Variants in ARFGAP3 observed in about 807,000 individuals in gnomAD.
ARFGAP3 encodes the protein ARF GTPase activating protein 3.
In ARFGAP3, 72 loss-of-function variants were observed where a neutral mutation model predicts 75.0. That is an observed-to-expected ratio of 0.96 (90% CI 0.79 to 1.17). The LOEUF (loss-of-function observed/expected upper bound fraction) is 1.17. Among genes scored for constraint, ARFGAP3 ranks in the 50% most tolerant of loss-of-function variants. The probability of loss-of-function intolerance (pLI) is 0.00; values close to 1 mark genes in which losing one functional copy is unlikely to be tolerated. For synonymous variants in ARFGAP3, 221 were observed against 217.9 expected, an observed-to-expected ratio of 1.01 and a Z score of -0.13; for missense variants, 620 against 626.6, an observed-to-expected ratio of 0.99 and a Z score of 0.11.
chr22:42,848,360 C>T (rs1927117822), intron 1 of ARFGAP3, among the ~76,000 whole-genome samples: 1 of 152,154 alleles, frequency 6.6e-6, no homozygotes, highest in Admixed American at 6.5e-5. Flanking sequence ...AGGCGCCCGC[C>T]ACCGCACCCG....
chr22:42,805,576 G>A (rs916313870), intron 14 of ARFGAP3, among the ~76,000 whole-genome samples: 2 of 152,190 alleles, frequency 1.3e-5, no homozygotes, highest in African/African-American at 2.4e-5. Flanking sequence ...AAAGTTTGGA[G>A]ATGGAACAAG....
At chr22:42,840,196 T>A (rs1926717029) in intron 3 of ARFGAP3, among the ~76,000 whole-genome samples, 1 of 151,784 alleles carries the variant, frequency 6.6e-6, no homozygotes, top group African/African-American at 2.4e-5. Flanking sequence ...CCTCCCAAAG[T>A]TCTAGGATTA....
chr22:42,799,559 T>G (rs1924764072), intron 14 of ARFGAP3, among the ~76,000 whole-genome samples: 1 of 152,124 alleles, frequency 6.6e-6, no homozygotes, highest in Non-Finnish European at 1.5e-5. Context: ...ACCTCCTCCC[T>G]CTTTTGGTAA....
At chr22:42,808,683 T>G in intron 13 of ARFGAP3, 84 bp downstream of exon 13, 1 of 1,217,582 alleles carries the variant, frequency 8.2e-7, no homozygotes, top group Non-Finnish European at 1.2e-6. Flanking sequence ...CCCAGCTCAC[T>G]CAGGATCTCC....
chr22:42,800,663 T>C (rs1043984884), intron 14 of ARFGAP3, among the ~76,000 whole-genome samples: 1 of 152,216 alleles, frequency 6.6e-6, no homozygotes, highest in African/African-American at 2.4e-5. Context: ...CCACCACAGA[T>C]GCAGGTCCTC....
Position 42,817,851 on chromosome 22 carries a change from T to C in ARFGAP3, c.819A>G (p.Ser273=), listed in dbSNP as rs1569146303. ...KVVSKEESIV[S]SLRLAYKDLE... ...GATCCTTATAGGCTAATCGTAATGA[T>C]GAAACACTGCCAGAAAAACCAAATA... The change falls in exon 10 of 16, where the codon TCA becomes TCG. Residue 273 remains serine (S), a synonymous_variant. Transcript: ENST00000263245. The C allele has an allele frequency of 6.2e-7, 1 of 1,602,990 alleles. No individual in the cohort carries two copies. The highest frequency in any genetic ancestry group is 8.5e-7 in the Non-Finnish European group (1 of 1,175,052).
At chr22:42,847,083 C>A (rs1228622522) in intron 2 of ARFGAP3, among the ~76,000 whole-genome samples, 1 of 152,132 alleles carries the variant, frequency 6.6e-6, no homozygotes, top group Non-Finnish European at 1.5e-5. Context: ...AACCCATTAA[C>A]CCATACCAAT....
intron 8 of ARFGAP3, 40 bp from the exon 9 acceptor site, chr22:42,822,449 G>C: frequency 1.3e-6 from 2 of 1,599,218 alleles, no homozygotes; most frequent in Non-Finnish European, 1.7e-6. Context: ...CGAGCTGTTT[G>C]AAAGCTTCTG....
intron 1 of ARFGAP3, among the ~76,000 whole-genome samples, chr22:42,851,692 C>T (rs1004401115): frequency 6.6e-6 from 1 of 152,194 alleles, no homozygotes; most frequent in Non-Finnish European, 1.5e-5. Context: ...GCAGGGACTG[C>T]GCTTTGATTT....
At chr22:42,853,446 C>A in intron 1 of ARFGAP3, 1 of 220,910 alleles carries the variant, frequency 4.5e-6, no homozygotes, top group Non-Finnish European at 9.7e-6. Context: ...ACAAGGGAAT[C>A]TGCTGGCCAT....
intron 9 of ARFGAP3, 52 bp downstream of exon 9, chr22:42,822,213 CTTGAG>C (rs1263263520): frequency 3.7e-6 from 5 of 1,361,512 alleles, no homozygotes; most frequent in Non-Finnish European, 4.1e-6. Flanking sequence ...AAAGCAAAAT[CTTGAG>C]TTAATAGTTT....
At chr22:42,799,816 G>A (rs1014933933) in intron 14 of ARFGAP3, among the ~76,000 whole-genome samples, 1 of 152,174 alleles carries the variant, frequency 6.6e-6, no homozygotes, top group Non-Finnish European at 1.5e-5. Flanking sequence ...CCAAGGAGGT[G>A]AGCCAAATAG....
Position 42,823,701 on chromosome 22 carries a change from C to T in ARFGAP3, c.627G>A (p.Glu209=). The T allele has an allele frequency of 6.4e-7, 1 of 1,564,380 alleles. No homozygotes were observed. The highest frequency in any genetic ancestry group is 2.3e-5 in the East Asian group (1 of 43,624). ...GLNVPTKATL[E]VSSIIKKKPN... Reference sequence around the variant, plus strand: ...GTTTCTTTTTTATGATAGAGGATACCTCTGCCAAAAAATAAAAATTAAAAA... The same window carrying T: ...GTTTCTTTTTTATGATAGAGGATACTTCTGCCAAAAAATAAAAATTAAAAA... The change falls in exon 8 of 16, where the codon GAG becomes GAA. Residue 209 remains glutamate (E), a splice_region_variant and synonymous_variant. Coordinates refer to ENST00000263245, the MANE Select transcript of ARFGAP3 (RefSeq NM_014570.5).
intron 1 of ARFGAP3, among the ~76,000 whole-genome samples, chr22:42,852,932 T>C (rs1927342060): frequency 6.6e-6 from 1 of 151,994 alleles, no homozygotes; most frequent in Non-Finnish European, 1.5e-5. Flanking sequence ...GCCCAGCTAA[T>C]TTTTGTATTT....
chr22:42,844,478 C>T (rs962561788), intron 2 of ARFGAP3, among the ~76,000 whole-genome samples: 3 of 151,492 alleles, frequency 2.0e-5, no homozygotes, highest in South Asian at 2.1e-4. Flanking sequence ...CCAGCTACTT[C>T]GGAGGCTGAA....
intron 1 of ARFGAP3, chr22:42,847,887 C>A (rs1469910703): frequency 6.1e-6 from 1 of 165,074 alleles, no homozygotes; most frequent in Non-Finnish European, 1.2e-5. Flanking sequence ...TATTCTGAGA[C>A]AGAGTTTCGC....
intron 1 of ARFGAP3, among the ~76,000 whole-genome samples, chr22:42,856,261 T>C (rs1008303989): frequency 5.3e-5 from 8 of 152,192 alleles, no homozygotes; most frequent in Admixed American, 1.3e-4. Flanking sequence ...TCGGGAACTT[T>C]CTATGCCAGC....
intron 5 of ARFGAP3, among the ~76,000 whole-genome samples, chr22:42,833,539 T>C (rs2146563557): frequency 6.6e-6 from 1 of 152,344 alleles, no homozygotes; most frequent in African/African-American, 2.4e-5. Flanking sequence ...GGGTATCACC[T>C]GAGGTCAGGA....
intron 2 of ARFGAP3, 161 bp downstream of exon 2, chr22:42,847,353 C>T (rs1927067408): frequency 1.7e-6 from 1 of 601,288 alleles, no homozygotes; most frequent in African/African-American, 1.9e-5. Flanking sequence ...TTTGTAGAGG[C>T]TGAGTTCACT....
Sources: gnomAD v4.1 joint callset for allele counts (sites outside exome capture counted in the v4.1 genomes callset) on GRCh38, gnomAD v4.1.1 for gene constraint, MANE v1.5 for transcripts, NCBI Gene and HGNC (gene_info 2026-07-23, HGNC 2026-07-21) for gene names.